The following GPHN variants were observed in gnomAD, a reference collection of about 807,000 sequenced individuals.
GPHN encodes the protein gephyrin.
A neutral mutation model predicts 95.5 loss-of-function variants in GPHN; 17 were observed. The observed-to-expected ratio is 0.18, with a 90% CI of 0.12 to 0.27. The LOEUF (loss-of-function observed/expected upper bound fraction) is 0.27, where lower values mean the gene tolerates loss of function less well. GPHN is among the 10% of genes least tolerant of loss of function. The pLI, the probability that GPHN is intolerant of heterozygous loss-of-function variation, is 1.00. For missense variants in GPHN, 660 were observed against 978.1 expected (o/e 0.67, Z 4.34); for synonymous variants, 320 against 322.5 (o/e 0.99, Z 0.08).
intron 1 of GPHN, among the ~76,000 whole-genome samples, chr14:66,583,018 C>T (rs1192052163): frequency 1.3e-5 from 2 of 152,064 alleles, no homozygotes; most frequent in Non-Finnish European, 2.9e-5. Flanking sequence ...AAAAGTGTTC[C>T]TATTTCTCCA....
the GPHN span, among the ~76,000 whole-genome samples, chr14:67,669,395 G>A: frequency 6.7e-6 from 1 of 150,330 alleles, no homozygotes; most frequent in Non-Finnish European, 1.5e-5. Flanking sequence ...TCAGCCTCCT[G>A]AGCAGCTGGG....
chr14:67,254,518 A>G, the GPHN span, among the ~76,000 whole-genome samples: 1 of 152,154 alleles, frequency 6.6e-6, no homozygotes, highest in African/African-American at 2.4e-5. Context: ...ACCTGTTGAC[A>G]TTTGTATTCT....
chr14:67,011,573 C>CAAAAAAA (rs201978777), intron 9 of GPHN, among the ~76,000 whole-genome samples: 1 of 63,190 alleles, frequency 1.6e-5, no homozygotes, highest in African/African-American at 5.9e-5. Flanking sequence ...GACCTTGCCT[C>CAAAAAAA]AAAAAAAAAA....
the GPHN span, chr14:67,393,132 C>A: frequency 1.2e-5 from 19 of 1,581,860 alleles, no homozygotes; most frequent in East Asian, 4.3e-4. Flanking sequence ...CCAGCCCGGC[C>A]CTGGGGGACA....
the GPHN span, chr14:67,467,043 A>G: frequency 6.6e-6 from 1 of 150,816 alleles, no homozygotes; most frequent in Non-Finnish European, 1.5e-5. Context: ...TGAAAGTATC[A>G]GTAATCAACC....
At chr14:67,715,531 C>T in the GPHN span, among the ~76,000 whole-genome samples, 6 of 152,168 alleles carry the variant, frequency 3.9e-5, no homozygotes, top group Admixed American at 2.0e-4. Flanking sequence ...ACAGTGCAGG[C>T]GTAAGGCCTG....
the GPHN span, chr14:67,729,553 T>TA: frequency 1.4e-6 from 1 of 694,146 alleles, no homozygotes; most frequent in Non-Finnish European, 2.6e-6. Context: ...AGTACAAACT[T>TA]ATGTGTTGGG....
intron 21 of GPHN, among the ~76,000 whole-genome samples, chr14:67,178,850 C>T (rs1056000628): frequency 1.3e-5 from 2 of 151,892 alleles, no homozygotes; most frequent in African/African-American, 4.8e-5. Flanking sequence ...AGGAAGTCCA[C>T]ATTAGACTAG....
At chr14:66,823,129 G>A (rs1202045740) in intron 3 of GPHN, 1 of 152,328 alleles carries the variant, frequency 6.6e-6, no homozygotes, top group Non-Finnish European at 1.5e-5. Context: ...AATCTCCTGA[G>A]TAGCTGGGAC....
chr14:67,311,311 A>T, the GPHN span, among the ~76,000 whole-genome samples: 4 of 99,880 alleles, frequency 4.0e-5, no homozygotes, highest in African/African-American at 2.3e-4. Context: ...ACTCCGTCTC[A>T]AAAAAAAAAA....
chr14:66,935,846 T>A (rs1486779167), intron 8 of GPHN, among the ~76,000 whole-genome samples: 4 of 152,154 alleles, frequency 2.6e-5, no homozygotes. Flanking sequence ...CCAATCATTC[T>A]CTAAGCATTT....
chr14:66,838,801 A>G (rs191400344), intron 4 of GPHN, among the ~76,000 whole-genome samples: 1 of 152,126 alleles, frequency 6.6e-6, no homozygotes, highest in Non-Finnish European at 1.5e-5. Context: ...TGCCTTTCAC[A>G]TAAAATGTAA....
At chr14:66,668,526 C>CA (rs1347093495) in intron 1 of GPHN, among the ~76,000 whole-genome samples, 1 of 152,102 alleles carries the variant, frequency 6.6e-6, no homozygotes. Context: ...CAAAGTAACA[C>CA]AGGAGCAGAA....
chr14:67,693,980 T>C, the GPHN span, among the ~76,000 whole-genome samples: 1 of 152,156 alleles, frequency 6.6e-6, no homozygotes, highest in Non-Finnish European at 1.5e-5. Flanking sequence ...TACTATACTA[T>C]ATTGCCTTTT....
the GPHN span, among the ~76,000 whole-genome samples, chr14:67,486,619 T>C: frequency 6.6e-6 from 1 of 152,174 alleles, no homozygotes; most frequent in Non-Finnish European, 1.5e-5. Flanking sequence ...AAGCTCTCTT[T>C]CTGCTTGCTA....
At chr14:67,443,615 T>C in the GPHN span, among the ~76,000 whole-genome samples, 1 of 151,256 alleles carries the variant, frequency 6.6e-6, no homozygotes, top group African/African-American at 2.4e-5. Flanking sequence ...GAAATAAAAA[T>C]GTAGGTACCA....
the GPHN span, among the ~76,000 whole-genome samples, chr14:67,525,400 G>A: frequency 6.6e-6 from 1 of 152,228 alleles, no homozygotes; most frequent in African/African-American, 2.4e-5. Flanking sequence ...TTTTCTAGAT[G>A]AATCATAATT....
At chr14:66,584,355 T>C (rs1430195572) in intron 1 of GPHN, among the ~76,000 whole-genome samples, 6 of 152,284 alleles carry the variant, frequency 3.9e-5, no homozygotes, top group African/African-American at 9.6e-5. Flanking sequence ...TGACTTCCTC[T>C]TTTCCTAATT....
At chr14:66,723,623 T>G (rs953917705) in intron 2 of GPHN, among the ~76,000 whole-genome samples, 1 of 152,128 alleles carries the variant, frequency 6.6e-6, no homozygotes, top group Non-Finnish European at 1.5e-5. Flanking sequence ...ATTGTACATT[T>G]GATTCTTAGG....
Sources: allele counts gnomAD v4.1 joint callset (sites outside exome capture counted in the v4.1 genomes callset), GRCh38; gene constraint gnomAD v4.1.1; transcripts MANE v1.5; gene names NCBI Gene and HGNC (gene_info 2026-07-23, HGNC 2026-07-21).